Variants in GRM7 observed in about 807,000 individuals in gnomAD.
GRM7 encodes glutamate metabotropic receptor 7, also known as metabotropic glutamate receptor 7.
GRM7 carries 35 observed loss-of-function variants against 84.5 expected under a neutral mutation model. That is an observed-to-expected ratio of 0.41 (90% CI 0.32 to 0.55). The LOEUF is 0.55. GRM7 is among the 20% of genes least tolerant of loss of function. The pLI is 0.19. For missense variants in GRM7, 1,003 were observed against 1,194.6 expected (o/e 0.84, Z 2.36); for synonymous variants, 487 against 455.1 (o/e 1.07, Z -0.89).
intron 2 of GRM7, among the ~76,000 whole-genome samples, chr3:7,220,463 C>T (rs1696763041): frequency 6.6e-6 from 1 of 152,096 alleles, no homozygotes; most frequent in South Asian, 2.1e-4. Flanking sequence ...AAATACCTGG[C>T]CAGTACTCCT....
intron 1 of GRM7, among the ~76,000 whole-genome samples, chr3:6,912,780 G>A (rs1474466024): frequency 6.6e-6 from 1 of 152,040 alleles, no homozygotes; most frequent in African/African-American, 2.4e-5. Context: ...GTTATAAATA[G>A]TGATCAAAGA....
At chr3:7,497,485 G>T (rs961223822) in intron 7 of GRM7, among the ~76,000 whole-genome samples, 1 of 152,108 alleles carries the variant, frequency 6.6e-6, no homozygotes, top group Non-Finnish European at 1.5e-5. Context: ...CAACATGGGA[G>T]GTTTCAGTGC....
chr3:7,393,311 T>C (rs1695077219), intron 4 of GRM7, among the ~76,000 whole-genome samples: 1 of 152,164 alleles, frequency 6.6e-6, no homozygotes, highest in South Asian at 2.1e-4. Flanking sequence ...GTGGGTTCCC[T>C]TTCTGGAGCA....
At chr3:7,194,634 G>A (rs1213103312) in intron 2 of GRM7, among the ~76,000 whole-genome samples, 1 of 152,134 alleles carries the variant, frequency 6.6e-6, no homozygotes, top group Non-Finnish European at 1.5e-5. Context: ...GTAAGAAGCA[G>A]AGACAGTGCA....
intron 4 of GRM7, among the ~76,000 whole-genome samples, chr3:7,316,284 C>G (rs1423728335): frequency 1.3e-5 from 2 of 152,002 alleles, no homozygotes; most frequent in Non-Finnish European, 2.9e-5. Flanking sequence ...AGTAAGAGAC[C>G]ATTGTAGGGT....
intron 1 of GRM7, among the ~76,000 whole-genome samples, chr3:6,992,777 T>C (rs1694692719): frequency 1.3e-5 from 2 of 152,136 alleles, no homozygotes; most frequent in South Asian, 4.1e-4. Flanking sequence ...AAGAGTTACT[T>C]CCAGCTCCTT....
chr3:7,405,464 A>G (rs1031407198), intron 4 of GRM7, among the ~76,000 whole-genome samples: 12 of 152,214 alleles, frequency 7.9e-5, no homozygotes, highest in Admixed American at 3.3e-4. Flanking sequence ...TCAAACATGT[A>G]TCATCTCTTT....
At chr3:7,132,241 G>A (rs1432922715) in intron 1 of GRM7, among the ~76,000 whole-genome samples, 1 of 152,132 alleles carries the variant, frequency 6.6e-6, no homozygotes, top group Non-Finnish European at 1.5e-5. Flanking sequence ...ATTCTGGGGG[G>A]AAGGGATTAT....
At chr3:7,045,775 A>G (rs1474982653) in intron 1 of GRM7, among the ~76,000 whole-genome samples, 5 of 152,142 alleles carry the variant, frequency 3.3e-5, no homozygotes, top group Non-Finnish European at 7.4e-5. Flanking sequence ...TTCATTATTC[A>G]TCTGTCAGTG....
At chr3:7,713,984 C>T (rs1701688596) in intron 9 of GRM7, among the ~76,000 whole-genome samples, 1 of 151,998 alleles carries the variant, frequency 6.6e-6, no homozygotes, top group Non-Finnish European at 1.5e-5. Flanking sequence ...GAGAGAGCCA[C>T]TTGCATCAGG....
intron 7 of GRM7, among the ~76,000 whole-genome samples, chr3:7,490,947 A>T (rs1280470042): frequency 6.6e-6 from 1 of 152,042 alleles, no homozygotes; most frequent in African/African-American, 2.4e-5. Context: ...CAAGAAAAAA[A>T]TTGTATTATC....
chr3:7,276,605 A>T (rs1699066768), intron 2 of GRM7, among the ~76,000 whole-genome samples: 1 of 151,878 alleles, frequency 6.6e-6, no homozygotes, highest in African/African-American at 2.4e-5. Flanking sequence ...ATACTTTTAA[A>T]ATCCTAATTG....
chr3:7,285,935 A>G (rs1036335798), intron 2 of GRM7, among the ~76,000 whole-genome samples: 3 of 152,172 alleles, frequency 2.0e-5, no homozygotes, highest in Admixed American at 6.6e-5. Context: ...TTAGCAGATA[A>G]TGTGGGTTGA....
chr3:7,092,435 A>G lies in GRM7; in HGVS notation c.520-54017A>G, dbSNP rs570778681. Among the ~76,000 whole-genome samples, 5 of 152,324 alleles carry G rather than the reference A, an allele frequency of 3.3e-5. No homozygotes were observed. In the South Asian group the frequency reaches 8.3e-4, roughly 25 times the overall value. On this transcript the variant is annotated intron_variant, in intron 1 of 9. Coordinates refer to ENST00000357716, the MANE Select transcript of GRM7 (RefSeq NM_000844.4). ...AATGAGTCTCGGGCAATTGACAATC[A>G]TTTTGTACCTCAGTTTGCTTTTCTA...
chr3:7,446,660 A>C (rs1405959811), intron 5 of GRM7, among the ~76,000 whole-genome samples: 2 of 151,902 alleles, frequency 1.3e-5, no homozygotes, highest in Non-Finnish European at 2.9e-5. Flanking sequence ...AGGTTTCACC[A>C]TGTTGGCCAG....
At chr3:7,515,913 CAG>C (rs1158786838) in intron 7 of GRM7, among the ~76,000 whole-genome samples, 1 of 151,972 alleles carries the variant, frequency 6.6e-6, no homozygotes, top group African/African-American at 2.4e-5. Context: ...GAGACAGAGA[CAG>C]GGGAATCCTT....
At chr3:7,008,115 G>GT (rs3063458) in intron 1 of GRM7, among the ~76,000 whole-genome samples, 12,323 of 151,496 alleles carry the variant, frequency 0.081, 1,740 homozygotes, top group African/African-American at 0.28. Context: ...ATGAGAATGC[G>GT]TTTTTTTTTT....
At chr3:7,122,410 G>A (rs538726303) in intron 1 of GRM7, among the ~76,000 whole-genome samples, 4 of 152,074 alleles carry the variant, frequency 2.6e-5, no homozygotes, top group African/African-American at 9.6e-5. Context: ...TAAATTTATA[G>A]GTTGTCAAAA....
At chr3:7,698,818 G>C (rs1223079350) in intron 9 of GRM7, among the ~76,000 whole-genome samples, 1 of 152,160 alleles carries the variant, frequency 6.6e-6, no homozygotes, top group African/African-American at 2.4e-5. Flanking sequence ...ACTACATGAT[G>C]GGTAAGCCTG....
Sources: allele counts gnomAD v4.1 joint callset (sites outside exome capture counted in the v4.1 genomes callset), GRCh38; gene constraint gnomAD v4.1.1; transcripts MANE v1.5; gene names NCBI Gene and HGNC (gene_info 2026-07-23, HGNC 2026-07-21).